The following SLC41A3 variants were observed in gnomAD, a reference collection of about 807,000 sequenced individuals.
SLC41A3 encodes the protein solute carrier family 41 member 3.
Under a neutral mutation model 45.4 loss-of-function variants are expected in SLC41A3, and 44 were observed. The observed-to-expected ratio is 0.97, with a 90% CI of 0.76 to 1.25. SLC41A3 has a LOEUF of 1.25. Ranked by LOEUF, SLC41A3 falls within the 50% of genes most tolerant of loss-of-function variation. The probability of loss-of-function intolerance (pLI) is 0.00; values close to 1 mark genes in which losing one functional copy is unlikely to be tolerated. For missense variants in SLC41A3, 550 were observed against 600.6 expected (o/e 0.92, Z 0.88); for synonymous variants, 256 against 252.4 (o/e 1.01, Z -0.13).
intron 3 of SLC41A3, among the ~76,000 whole-genome samples, chr3:126,046,116 T>C (rs947405180): frequency 2.2e-4 from 33 of 152,016 alleles, no homozygotes; most frequent in African/African-American, 8.0e-4. Context: ...AAAGGTTATA[T>C]GTGAAAATCC....
At chr3:126,012,548 C>A in intron 9 of SLC41A3, 67 bp downstream of exon 9, 1 of 1,593,296 alleles carries the variant, frequency 6.3e-7, no homozygotes, top group South Asian at 1.1e-5. Flanking sequence ...CACCAGATTC[C>A]AATGACACCG....
At chr3:126,034,379 T>C (rs375398801) in intron 3 of SLC41A3, among the ~76,000 whole-genome samples, 1 of 152,254 alleles carries the variant, frequency 6.6e-6, no homozygotes, top group East Asian at 1.9e-4. Context: ...AAAGCAAATA[T>C]ATTTTCCTAG....
At position 126,050,871 on chromosome 3, in the gene SLC41A3, A is replaced by G. The variant is rs759109653; in HGVS notation, c.381+72T>C. Reference sequence around the variant, plus strand: ...GAATCCAACCCACCGCCCACAAGCCAGGGGAGACCAGGTGGTAGGGACGCG... The same window carrying G: ...GAATCCAACCCACCGCCCACAAGCCGGGGGAGACCAGGTGGTAGGGACGCG... On this transcript the variant is annotated intron_variant, in intron 3 of 10. Coordinates refer to ENST00000360370, the MANE Select transcript of SLC41A3 (RefSeq NM_017836.4). 3.3e-6 allele frequency: 5 copies of G among 1,530,418 alleles called. No individual in the cohort carries two copies. The South Asian group carries it at 6.3e-5, about 19-fold the overall frequency. The allele number at this position is 1,530,418 out of a possible 1,614,324, so 94.8% of individuals were successfully genotyped here.
chr3:126,031,573 TA>T (rs1246759494), intron 4 of SLC41A3, among the ~76,000 whole-genome samples: 1 of 152,194 alleles, frequency 6.6e-6, no homozygotes, highest in Non-Finnish European at 1.5e-5. Context: ...GTCCAATGAA[TA>T]AAACTTATTG....
chr3:126,007,148 G>A lies in SLC41A3; in HGVS notation c.1332C>T (p.Cys444=), dbSNP rs1559798516. The A allele has an allele frequency of 1.9e-6, 3 of 1,614,134 alleles. No homozygotes were observed. The highest frequency in any genetic ancestry group is 2.2e-5 in the East Asian group (1 of 44,898). ...CCCCCAGCCCTGTAAGGTAGGGGATGCAGTGGTTGTCAGGATCCAGGGCCT... is the reference window on the plus strand; with the variant it reads ...CCCCCAGCCCTGTAAGGTAGGGGATACAGTGGTTGTCAGGATCCAGGGCCT... ...WHQALDPDNH[C]IPYLTGLGDL... is the part of the protein sequence containing the mutation. Residue 444 remains cysteine (C), a synonymous_variant, in exon 11 of 11, where the codon TGC becomes TGT. Transcript: ENST00000360370.
chr3:126,048,761 T>C (rs1943130084), intron 3 of SLC41A3, among the ~76,000 whole-genome samples: 1 of 151,790 alleles, frequency 6.6e-6, no homozygotes, highest in African/African-American at 2.4e-5. Flanking sequence ...AGTAGGGGAG[T>C]GGGCTGCAAC....
At chr3:126,033,745 G>T in intron 3 of SLC41A3, 67 bp from the exon 4 acceptor site, 2 of 1,505,566 alleles carry the variant, frequency 1.3e-6, no homozygotes, top group Non-Finnish European at 1.8e-6. Flanking sequence ...CCCTTCCTGG[G>T]AAAGGCAGTC....
chr3:126,079,343 T>A (rs1576370954), intron 1 of SLC41A3, among the ~76,000 whole-genome samples: 1 of 150,882 alleles, frequency 6.6e-6, no homozygotes. Context: ...AATGATTAAT[T>A]TAGCTACATC....
chr3:126,015,707 A>C, intron 7 of SLC41A3, 134 bp from the exon 8 acceptor site: 1 of 810,656 alleles, frequency 1.2e-6, no homozygotes, highest in Non-Finnish European at 2.0e-6. Context: ...TACACAAAAT[A>C]TCTGCTGCGG....
intron 2 of SLC41A3, among the ~76,000 whole-genome samples, chr3:126,053,215 C>A (rs1354607102): frequency 1.3e-5 from 2 of 152,136 alleles, no homozygotes; most frequent in African/African-American, 4.8e-5. Flanking sequence ...GAAATGCAGT[C>A]ATGAGGGTGG....
intron 9 of SLC41A3, among the ~76,000 whole-genome samples, chr3:126,011,512 A>G (rs1939709371): frequency 6.6e-6 from 1 of 152,216 alleles, no homozygotes; most frequent in Non-Finnish European, 1.5e-5. Context: ...AAAAAGAAGG[A>G]GAGTGCAGCT....
At chr3:126,008,982 C>T in intron 9 of SLC41A3, 102 bp from the exon 10 acceptor site, 2 of 1,454,766 alleles carry the variant, frequency 1.4e-6, no homozygotes, top group Admixed American at 1.8e-5. Flanking sequence ...TCCATTTATT[C>T]CCAAGTGTTC....
chr3:126,068,004 G>A lies in SLC41A3; in HGVS notation c.216C>T (p.Pro72=). 9.9e-6 allele frequency: 16 copies of A among 1,613,866 alleles called. No homozygotes were observed. Among genetic ancestry groups the A allele is most frequent in the Non-Finnish European group, 1.4e-5 (16 of 1,179,928 alleles). The change falls in exon 2 of 11, where the codon CCC becomes CCT. Residue 72 remains proline, a synonymous_variant. Coordinates refer to ENST00000360370, the MANE Select transcript of SLC41A3 (RefSeq NM_017836.4). ...TWSIGLQVTV[P]FMFAGLGLSW... is the part of the protein sequence containing the mutation. ...ACAGTCCCAGGCCTGCAAACATGAA[G>A]GGCACGGTCACCTGAAGGCCTATGG...
rs1380107389 is a variant in SLC41A3, at chr3:126,015,559, A to G, written c.905T>C (p.Ile302Thr). 6 of 1,614,042 alleles carry G rather than the reference A, an allele frequency of 3.7e-6. No individual in the cohort carries two copies. The African/African-American group carries it at 5.3e-5, about 14-fold the overall frequency. Reference protein sequence around the residue: ...AMVISSFGGLILSKTVSKQQY... With the variant: ...AMVISSFGGLTLSKTVSKQQY... ...CTGTTTAGAAACGGTTTTGCTCAAG[A>G]TGAGTCCTCCGAAACTGGGGAAATA... Residue 302 changes from isoleucine (I) to threonine (T), a missense_variant, in exon 8 of 11, where the codon ATC (isoleucine) becomes ACC (threonine). Ile to Thr is a moderately conservative substitution (Grantham distance 89). Transcript: ENST00000360370.
At chr3:126,038,414 G>A (rs1942360227) in intron 3 of SLC41A3, among the ~76,000 whole-genome samples, 1 of 152,250 alleles carries the variant, frequency 6.6e-6, no homozygotes, top group Admixed American at 6.5e-5. Context: ...AGCCACAGGG[G>A]TAGAGAAGTC....
chr3:126,088,974 G>T (rs980156707), upstream of SLC41A3, among the ~76,000 whole-genome samples: 1 of 152,154 alleles, frequency 6.6e-6, no homozygotes, highest in Admixed American at 6.5e-5. Flanking sequence ...CCAGATAAAT[G>T]CCACCATAAT....
intron 3 of SLC41A3, among the ~76,000 whole-genome samples, chr3:126,050,641 T>C (rs1250580456): frequency 6.6e-6 from 1 of 152,122 alleles, no homozygotes; most frequent in Non-Finnish European, 1.5e-5. Flanking sequence ...AGGGTCCAGG[T>C]GGATGCGGGT....
intron 3 of SLC41A3, among the ~76,000 whole-genome samples, chr3:126,035,425 G>T (rs555495198): frequency 1.3e-5 from 2 of 152,326 alleles, no homozygotes; most frequent in Admixed American, 6.5e-5. Context: ...AGGAGCCACA[G>T]GAGCTGCGGG....
intron 3 of SLC41A3, among the ~76,000 whole-genome samples, chr3:126,042,619 T>C (rs1205007158): frequency 6.6e-6 from 1 of 152,126 alleles, no homozygotes; most frequent in Admixed American, 6.5e-5. Flanking sequence ...GTCTTAAATA[T>C]GTTCAGTGAG....
Sources: allele counts gnomAD v4.1 joint callset (sites outside exome capture counted in the v4.1 genomes callset), GRCh38; gene constraint gnomAD v4.1.1; transcripts MANE v1.5; gene names NCBI Gene and HGNC (gene_info 2026-07-23, HGNC 2026-07-21).